AGBL1: variants seen among roughly 807,000 people sequenced by gnomAD.
AGBL1 encodes the protein AGBL carboxypeptidase 1.
Under a neutral mutation model 118.9 loss-of-function variants are expected in AGBL1, and 130 were observed. The observed-to-expected ratio is 1.09, with a 90% CI of 0.95 to 1.26. The LOEUF (loss-of-function observed/expected upper bound fraction) is 1.26. AGBL1 is among the 50% of genes most tolerant of loss of function. AGBL1 has a pLI of 0.00. For synonymous variants in AGBL1, 555 were observed against 478.9 expected, an observed-to-expected ratio of 1.16 and a Z score of -2.08; for missense variants, 1,584 against 1,298.1, an observed-to-expected ratio of 1.22 and a Z score of -3.38.
At chr15:86,736,443 T>C (rs551541835) in intron 22 of AGBL1, among the ~76,000 whole-genome samples, 1 of 152,246 alleles carries the variant, frequency 6.6e-6, no homozygotes, top group East Asian at 1.9e-4. Flanking sequence ...CACTTCTATA[T>C]AGCATCTCCC....
At chr15:86,506,297 A>G (rs1429176211) in intron 18 of AGBL1, among the ~76,000 whole-genome samples, 1 of 152,042 alleles carries the variant, frequency 6.6e-6, no homozygotes, top group Non-Finnish European at 1.5e-5. Flanking sequence ...GAAATATTTT[A>G]GAGCTTTCAA....
intron 19 of AGBL1, among the ~76,000 whole-genome samples, chr15:86,539,146 C>G (rs1482695850): frequency 6.6e-6 from 1 of 152,128 alleles, no homozygotes; most frequent in Non-Finnish European, 1.5e-5. Context: ...TAGTCAAAGG[C>G]CCAAAGTTCA....
At chr15:86,688,189 A>C (rs2086097101) in intron 22 of AGBL1, among the ~76,000 whole-genome samples, 1 of 151,988 alleles carries the variant, frequency 6.6e-6, no homozygotes, top group Non-Finnish European at 1.5e-5. Context: ...TTGATGCTTG[A>C]GGAGGGAGGT....
chr15:86,323,248 G>C (rs897785227), intron 17 of AGBL1, among the ~76,000 whole-genome samples: 1 of 151,840 alleles, frequency 6.6e-6, no homozygotes, highest in African/African-American at 2.4e-5. Flanking sequence ...GTTGCTAGAA[G>C]TGGAAGAGTC....
At chr15:86,246,176 C>T (rs913512111) in intron 6 of AGBL1, among the ~76,000 whole-genome samples, 5 of 152,210 alleles carry the variant, frequency 3.3e-5, no homozygotes, top group East Asian at 1.9e-4. Flanking sequence ...TGAGCCACCA[C>T]GCCCGGCCTG....
chr15:86,256,714 G>C (rs1332910395), intron 7 of AGBL1, 139 bp from the exon 8 acceptor site: 2 of 794,250 alleles, frequency 2.5e-6, no homozygotes, highest in Non-Finnish European at 3.9e-6. Flanking sequence ...TTTACGGTCT[G>C]TCCATGCGTA....
intron 6 of AGBL1, among the ~76,000 whole-genome samples, chr15:86,242,103 T>C (rs2078649906): frequency 6.6e-6 from 1 of 152,168 alleles, no homozygotes; most frequent in Admixed American, 6.5e-5. Context: ...AAAATGTCCC[T>C]TGTTCTTCTG....
chr15:86,709,030 A>G (rs904353009), intron 22 of AGBL1, among the ~76,000 whole-genome samples: 22 of 152,220 alleles, frequency 1.4e-4, no homozygotes, highest in African/African-American at 4.8e-4. Context: ...AGGTATGACT[A>G]TTTTCTCAAA....
chr15:86,887,712 G>C (rs1408675965), intron 22 of AGBL1, among the ~76,000 whole-genome samples: 1 of 152,074 alleles, frequency 6.6e-6, no homozygotes, highest in Non-Finnish European at 1.5e-5. Flanking sequence ...ACCTCACCAA[G>C]ATTCTTTTAG....
chr15:86,845,246 A>T (rs1341698720), intron 22 of AGBL1, among the ~76,000 whole-genome samples: 4 of 152,122 alleles, frequency 2.6e-5, no homozygotes, highest in African/African-American at 7.2e-5. Flanking sequence ...TTTGAGGAAA[A>T]TTGTCATCTT....
intron 5 of AGBL1, among the ~76,000 whole-genome samples, chr15:86,206,603 A>T (rs1179540193): frequency 6.6e-6 from 1 of 152,212 alleles, no homozygotes; most frequent in African/African-American, 2.4e-5. Flanking sequence ...TTGGCTGCAT[A>T]AATGTCTTCT....
At chr15:86,940,060 CTTTTTTTTTTTTTT>C (rs5814267) in intron 23 of AGBL1, among the ~76,000 whole-genome samples, 56 of 59,456 alleles carry the variant, frequency 9.4e-4, no homozygotes, top group African/African-American at 3.0e-3. Context: ...TTTGGTAGTC[CTTTTTTTTTTTTTT>C]TTTTTTTTTT....
intron 24 of AGBL1, among the ~76,000 whole-genome samples, chr15:87,004,303 C>CTGT (rs2081473672): frequency 1.3e-5 from 2 of 152,016 alleles, no homozygotes; most frequent in African/African-American, 4.8e-5. Context: ...GACTCCCACA[C>CTGT]AATTATAGTG....
chr15:86,438,585 T>C (rs1220881427), intron 18 of AGBL1, among the ~76,000 whole-genome samples: 1 of 152,080 alleles, frequency 6.6e-6, no homozygotes. Context: ...TCCCATGCAA[T>C]ATTTAATGGG....
intron 22 of AGBL1, among the ~76,000 whole-genome samples, chr15:86,701,801 C>T (rs1376857237): frequency 1.3e-5 from 2 of 149,334 alleles, no homozygotes; most frequent in Non-Finnish European, 1.5e-5. Flanking sequence ...CCTTCCTTCC[C>T]TCCTTTCTCT....
rs144614723 is a variant in AGBL1 at position 86,980,515 on chromosome 15, A to G, written c.3222-7472A>G. ...TGGGAAGCCTAATCCTCTGTCAATG[A>G]TACTTAAAAAGTAACTTCCATTCCT... On this transcript the variant is annotated intron_variant, in intron 23 of 24. Coordinates refer to the AGBL1 transcript ENST00000441037. Among the ~76,000 whole-genome samples, 116 of 152,278 alleles carry G rather than the reference A, an allele frequency of 7.6e-4. 1 individual carries two copies. Among genetic ancestry groups the G allele is most frequent in the Middle Eastern group, 6.8e-3 (2 of 294 alleles).
Position 86,446,308 on chromosome 15 carries a change from TTGTTC to T in AGBL1, c.2555+48769_2555+48773del, listed in dbSNP as rs147076673. On this transcript the variant is annotated intron_variant, in intron 18 of 22. Transcript: ENST00000614907. Reference sequence around the variant, plus strand: ...TGAGGAATGGGAGCTGGCTGCACAGTTGTTCTGTTCTTTTCCCTCTCCAGACGCAC... The same window carrying T: ...TGAGGAATGGGAGCTGGCTGCACAGTTGTTCTTTTCCCTCTCCAGACGCAC... Among the ~76,000 whole-genome samples, 490 of 152,268 alleles carry T rather than the reference TTGTTC, an allele frequency of 3.2e-3. 8 individuals carry two copies. The East Asian group carries it at 0.076, about 23-fold the overall frequency.
At chr15:86,992,345 G>C (rs11637333) in intron 24 of AGBL1, among the ~76,000 whole-genome samples, 1 of 152,074 alleles carries the variant, frequency 6.6e-6, no homozygotes, top group African/African-American at 2.4e-5. Flanking sequence ...GAGGTTTGGA[G>C]GGAAACATCG....
intron 17 of AGBL1, among the ~76,000 whole-genome samples, chr15:86,340,929 G>A (rs992522579): frequency 2.6e-5 from 4 of 152,130 alleles, no homozygotes; most frequent in South Asian, 2.1e-4. Flanking sequence ...TACTCCTCAC[G>A]TGGTGTCTTC....
Sources: allele counts gnomAD v4.1 joint callset (sites outside exome capture counted in the v4.1 genomes callset), GRCh38; gene constraint gnomAD v4.1.1; transcripts MANE v1.5; gene names NCBI Gene and HGNC (gene_info 2026-07-23, HGNC 2026-07-21).